The following ELFN2 variants were observed in gnomAD, a reference collection of about 807,000 sequenced individuals.
ELFN2 encodes protein phosphatase 1 regulatory subunit 29.
A neutral mutation model predicts 45.5 loss-of-function variants in ELFN2; 17 were observed. The ratio of observed to expected loss-of-function variants is 0.37; its 90% confidence interval spans 0.26 to 0.56. ELFN2 has a LOEUF of 0.56. Ranked by LOEUF, ELFN2 falls within the 20% of genes least tolerant of loss-of-function variation. The pLI is 0.77. For synonymous variants in ELFN2, 550 were observed against 551.5 expected, an observed-to-expected ratio of 1.00 and a Z score of 0.04; for missense variants, 922 against 1,183.2, an observed-to-expected ratio of 0.78 and a Z score of 3.24.
At chr22:37,353,936 T>C (rs936742169) in intron 1 of ELFN2, 1 of 137,642 alleles carries the variant, frequency 7.3e-6, no homozygotes, top group Admixed American at 7.0e-5. Flanking sequence ...AGTGAGTACA[T>C]ATGCCCAAGA....
chr22:37,413,823 C>G (rs1363681473), intron 2 of ELFN2, among the ~76,000 whole-genome samples: 1 of 152,218 alleles, frequency 6.6e-6, no homozygotes, highest in Non-Finnish European at 1.5e-5. Flanking sequence ...CGTTATGGCA[C>G]AAGCCCCCCC....
rs762356970 is a variant in ELFN2, at chr22:37,375,469, G to A, written c.66C>T (p.Ala22=). 1.1e-5 allele frequency: 17 copies of A among 1,604,508 alleles called. No homozygotes were observed. The highest frequency in any genetic ancestry group is 5.4e-5 in the African/African-American group (4 of 74,704). Residue 22 remains alanine, a synonymous_variant, in exon 3 of 3, where the codon GCC becomes GCT. Transcript: ENST00000402918. ...TGTCGCCCTCAATGAGCCAGCAGTC[G>A]GCACGCACGGCACCCGGCCGGCACA... The part of the protein sequence containing the change: ...LCVCRPGAVR[A]DCWLIEGDKG...
At chr22:37,403,053 C>T (rs925260216) in intron 2 of ELFN2, among the ~76,000 whole-genome samples, 1 of 152,122 alleles carries the variant, frequency 6.6e-6, no homozygotes, top group Non-Finnish European at 1.5e-5. Flanking sequence ...GCAGAAAAAG[C>T]CATAGCCGCA....
Position 37,375,468 on chromosome 22 carries a change from C to A in ELFN2, c.67G>T (p.Asp23Tyr), listed in dbSNP as rs774832627. 1.2e-6 allele frequency: 2 copies of A among 1,604,642 alleles called. No homozygotes were observed. Among genetic ancestry groups the A allele is most frequent in the Non-Finnish European group, 1.7e-6 (2 of 1,175,942 alleles). ...CVCRPGAVRA[D>Y]CWLIEGDKGY... is the part of the protein sequence containing the mutation. ...TTGTCGCCCTCAATGAGCCAGCAGT[C>A]GGCACGCACGGCACCCGGCCGGCAC... Residue 23 changes from aspartate to tyrosine, a missense_variant, in exon 3 of 3, where the codon GAC (aspartate) becomes TAC (tyrosine). Around this residue, in one of 2 missense-constraint regions of ELFN2, gnomAD observed 358 missense variants for 540.4 expected, o/e 0.66. Transcript: ENST00000402918.
chr22:37,365,240 T>C (rs533304468), downstream of ELFN2, among the ~76,000 whole-genome samples: 2 of 152,320 alleles, frequency 1.3e-5, no homozygotes, highest in South Asian at 4.1e-4. Context: ...CAAGGGCTCA[T>C]TTTAGGCTCA....
chr22:37,366,513 C>T (rs922916400), downstream of ELFN2, among the ~76,000 whole-genome samples: 1 of 152,244 alleles, frequency 6.6e-6, no homozygotes, highest in African/African-American at 2.4e-5. Context: ...AGTCCTTCAA[C>T]AGAAACAGCT....
rs34768294 is a variant in ELFN2, at chr22:37,349,012, G to A, written n.149-6309C>T. ...GCTGAGCGTTTAGTGCATGCTGGGC[G>A]CTTTTCATGTCAGCAGGGCAGCCCA... On this transcript the variant is annotated intron_variant and non_coding_transcript_variant, in intron 1 of 2. Coordinates refer to ENST00000452946, the Ensembl canonical transcript of ELFN2. Among the ~76,000 whole-genome samples the A allele has an allele frequency of 2.4e-4, 36 of 151,198 alleles. 1 individual carries two copies. The highest frequency in any genetic ancestry group is 4.3e-4 in the Non-Finnish European group (29 of 67,324).
chr22:37,387,879 C>T (rs533582459), intron 2 of ELFN2, among the ~76,000 whole-genome samples: 2 of 152,012 alleles, frequency 1.3e-5, no homozygotes, highest in African/African-American at 2.4e-5. Flanking sequence ...CAGCTGCCTC[C>T]GGGGCCCTTC....
intron 2 of ELFN2, among the ~76,000 whole-genome samples, chr22:37,407,123 TTGTG>T (rs1932523109): frequency 6.6e-6 from 1 of 152,120 alleles, no homozygotes; most frequent in East Asian, 1.9e-4. Context: ...TTGTGTGTGC[TTGTG>T]TGTGTGCGTG....
Position 37,375,280 on chromosome 22 carries a change from G to A in ELFN2, c.255C>T (p.Asn85=). The A allele has an allele frequency of 6.2e-7, 1 of 1,614,172 alleles. No homozygotes were observed. The highest frequency in any genetic ancestry group is 8.5e-7 in the Non-Finnish European group (1 of 1,180,034). The change falls in exon 3 of 3, where the codon AAC becomes AAT. Residue 85 remains asparagine (N), a synonymous_variant. Coordinates refer to ENST00000402918, the MANE Select transcript of ELFN2 (RefSeq NM_052906.5). The part of the protein sequence containing the change: ...LNRFGNLTDL[N]LTKNEISYIE... ...TGTAGGAGATCTCGTTCTTGGTGAG[G>A]TTGAGGTCGGTGAGGTTCCCAAAGC...
rs962800042 is a variant in ELFN2 at position 37,373,487 on chromosome 22, C to A, written c.2048G>T (p.Gly683Val). Residue 683 changes from glycine to valine, a missense_variant, in exon 3 of 3, where the codon GGC becomes GTC. Transcript: ENST00000402918. ...PLDRLPLVPA[G>V]SGGGSGGGGG... ...GCCCCCGCCGCTGCCCCCGCCGCTG[C>A]CCGCCGGCACCAGCGGGAGCCGGTC... 2 of 1,537,076 alleles carry A rather than the reference C, an allele frequency of 1.3e-6. No individual in the cohort carries two copies. The highest frequency in any genetic ancestry group is 2.5e-5 in the East Asian group (1 of 40,738).
intron 2 of ELFN2, among the ~76,000 whole-genome samples, chr22:37,383,070 G>C (rs552959981): frequency 1.3e-5 from 2 of 152,096 alleles, no homozygotes; most frequent in Non-Finnish European, 2.9e-5. Context: ...CTCTTCCTTC[G>C]CTGTGGTGTC....
intron 1 of ELFN2, among the ~76,000 whole-genome samples, chr22:37,424,356 C>T (rs1224246094): frequency 6.6e-6 from 1 of 152,178 alleles, no homozygotes; most frequent in African/African-American, 2.4e-5. Context: ...AAACAAGCAT[C>T]CTACAAGACC....
chr22:37,403,772 G>A (rs905365488), intron 2 of ELFN2, among the ~76,000 whole-genome samples: 4 of 152,254 alleles, frequency 2.6e-5, no homozygotes, highest in Non-Finnish European at 2.9e-5. Context: ...AGCCATCGGC[G>A]GTGCCCGCCG....
intron 1 of ELFN2, chr22:37,353,191 C>A (rs780128625): frequency 6.6e-6 from 1 of 151,100 alleles, no homozygotes; most frequent in African/African-American, 2.4e-5. Context: ...GTCGTCAGCA[C>A]GGGTCGTGAG....
At chr22:37,346,869 G>C (rs1289000411) in intron 1 of ELFN2, among the ~76,000 whole-genome samples, 2 of 152,018 alleles carry the variant, frequency 1.3e-5, no homozygotes, top group South Asian at 2.1e-4. Context: ...CCAGCCCCCA[G>C]TCCCCTCAGC....
chr22:37,399,974 G>A (rs1323795704), intron 2 of ELFN2, among the ~76,000 whole-genome samples: 1 of 152,162 alleles, frequency 6.6e-6, no homozygotes. Flanking sequence ...GGAAACTGAG[G>A]CACAGAGAAG....
At position 37,374,794 on chromosome 22, in the gene ELFN2, A is replaced by G. The variant is rs1371800028; in HGVS notation, c.741T>C (p.Asn247=). 2 of 1,607,350 alleles carry G rather than the reference A, an allele frequency of 1.2e-6. No homozygotes were observed. The highest frequency in any genetic ancestry group is 2.7e-5 in the African/African-American group (2 of 74,914). ...AITVLQAKCR[N]GSLPARPVSH... ...TCACGGGCCGGGCGGGCAGCGAGCC[A>G]TTCCGACACTTGGCCTGGAGTACGG... The change falls in exon 3 of 3, where the codon AAT becomes AAC. Residue 247 remains asparagine, a synonymous_variant. Coordinates refer to ENST00000402918, the MANE Select transcript of ELFN2 (RefSeq NM_052906.5).
intron 2 of ELFN2, among the ~76,000 whole-genome samples, chr22:37,381,850 G>A (rs909319904): frequency 1.7e-4 from 26 of 149,880 alleles, no homozygotes; most frequent in African/African-American, 5.4e-4. Flanking sequence ...CAGCTACTCC[G>A]GAGGCTGAGG....
Sources: allele counts gnomAD v4.1 joint callset (sites outside exome capture counted in the v4.1 genomes callset), GRCh38; gene constraint gnomAD v4.1.1; regional missense constraint gnomAD v4.1.1; transcripts MANE v1.5; gene names NCBI Gene and HGNC (gene_info 2026-07-23, HGNC 2026-07-21).